The following RNF2 variants were observed in gnomAD, a reference collection of about 807,000 sequenced individuals.
The protein encoded by RNF2 is E3 ubiquitin-protein ligase RING2.
In RNF2, 6 loss-of-function variants were observed where a neutral mutation model predicts 37.2. The ratio of observed to expected loss-of-function variants is 0.16; its 90% confidence interval spans 0.09 to 0.32. The LOEUF (loss-of-function observed/expected upper bound fraction) is 0.32, where lower values mean the gene tolerates loss of function less well. Ranked by LOEUF, RNF2 falls within the 10% of genes least tolerant of loss-of-function variation. RNF2 has a pLI of 1.00. For missense variants in RNF2, 251 were observed against 404.0 expected, an observed-to-expected ratio of 0.62 and a Z score of 3.25; for synonymous variants, 133 against 132.7, an observed-to-expected ratio of 1.00 and a Z score of -0.02.
chr1:185,083,132 A>G (rs965219857), intron 1 of RNF2, among the ~76,000 whole-genome samples: 3 of 152,200 alleles, frequency 2.0e-5, no homozygotes, highest in African/African-American at 7.2e-5. Flanking sequence ...CTAATACGGA[A>G]CAAAGCCTCT....
intron 4 of RNF2, 141 bp downstream of exon 4, chr1:185,093,417 C>CA: frequency 1.5e-6 from 1 of 675,856 alleles, no homozygotes; most frequent in Non-Finnish European, 2.5e-6. Context: ...ATAATACATG[C>CA]CTCCAGGCAT....
chr1:185,047,810 G>A (rs941629008), intron 1 of RNF2, among the ~76,000 whole-genome samples: 5 of 152,126 alleles, frequency 3.3e-5, no homozygotes. Context: ...CTCTGCGCAC[G>A]TACACATCTA....
At chr1:185,082,816 C>T (rs1379776170) in intron 1 of RNF2, among the ~76,000 whole-genome samples, 2 of 152,124 alleles carry the variant, frequency 1.3e-5, no homozygotes, top group African/African-American at 4.8e-5. Flanking sequence ...ATAACATTTC[C>T]ATAGTCTAAA....
intron 1 of RNF2, among the ~76,000 whole-genome samples, chr1:185,076,987 A>G (rs77339682): frequency 3.3e-5 from 5 of 152,232 alleles, no homozygotes; most frequent in East Asian, 3.9e-4. Flanking sequence ...CCTCTTTAAT[A>G]TACTTCAGTT....
chr1:185,100,069 A>G, intron 6 of RNF2, 107 bp downstream of exon 6: 1 of 1,240,236 alleles, frequency 8.1e-7, no homozygotes, highest in Non-Finnish European at 1.1e-6. Context: ...AAACCGTAAC[A>G]GTGTTAAGTG....
In RNF2 at chr1:185,045,600, A is replaced by T. The variant is rs1650087091; in HGVS notation, c.-52A>T. The T allele has an allele frequency of 6.6e-6, 1 of 152,044 alleles. No individual in the cohort carries two copies. The highest frequency in any genetic ancestry group is 2.4e-5 in the African/African-American group (1 of 41,386). 9.4% of individuals were successfully genotyped at this position (152,044 alleles called of 1,614,324 possible). A position where few individuals can be genotyped will look rare whatever the true frequency, so the allele number is the denominator to read the frequency against. ...CGGCGTCCGCGGCAGCTGATACCAG[A>T]GTCTTGCTCCGGCCGCGGCCAGCGG... On this transcript the variant is annotated 5_prime_UTR_variant, in exon 1 of 7. Transcript: ENST00000367510.
chr1:185,066,562 G>A (rs1650805200), intron 1 of RNF2, among the ~76,000 whole-genome samples: 1 of 152,148 alleles, frequency 6.6e-6, no homozygotes, highest in Non-Finnish European at 1.5e-5. Context: ...CATGTTCAAG[G>A]ATTGTCTGCC....
intron 2 of RNF2, among the ~76,000 whole-genome samples, chr1:185,089,779 C>T (rs1651713021): frequency 6.6e-6 from 1 of 152,050 alleles, no homozygotes; most frequent in Admixed American, 6.5e-5. Flanking sequence ...CATGTAATCC[C>T]AGCACTTTGG....
chr1:185,064,615 A>C (rs2102164801), intron 1 of RNF2, among the ~76,000 whole-genome samples: 1 of 152,314 alleles, frequency 6.6e-6, no homozygotes, highest in East Asian at 1.9e-4. Context: ...GACTTAAGAT[A>C]TTTTCAATTT....
At chr1:185,062,164 GTTGTGT>G (rs993630503) in intron 1 of RNF2, among the ~76,000 whole-genome samples, 17 of 152,302 alleles carry the variant, frequency 1.1e-4, no homozygotes, top group African/African-American at 3.8e-4. Flanking sequence ...CTTTGTGACA[GTTGTGT>G]TGCTTTTTCA....
intron 1 of RNF2, among the ~76,000 whole-genome samples, chr1:185,076,677 A>C (rs1028162816): frequency 6.6e-6 from 1 of 151,584 alleles, no homozygotes; most frequent in Non-Finnish European, 1.5e-5. Context: ...AAAAGGGTTT[A>C]AATTTTTTTT....
intron 1 of RNF2, among the ~76,000 whole-genome samples, chr1:185,061,363 TAAAAGGGGAAAAA>T (rs879466497): frequency 2.7e-5 from 4 of 150,344 alleles, no homozygotes; most frequent in Non-Finnish European, 4.4e-5. Context: ...CCCTATCTCT[TAAAAGGGGAAAAA>T]AAAAGGGAAA....
At chr1:185,064,763 T>C (rs1650750683) in intron 1 of RNF2, among the ~76,000 whole-genome samples, 1 of 152,232 alleles carries the variant, frequency 6.6e-6, no homozygotes, top group Non-Finnish European at 1.5e-5. Context: ...TTCAGAATGT[T>C]TTGTAATTTT....
intron 1 of RNF2, among the ~76,000 whole-genome samples, chr1:185,060,688 A>G (rs1650572325): frequency 6.6e-6 from 1 of 152,224 alleles, no homozygotes; most frequent in African/African-American, 2.4e-5. Context: ...ATGAATCAGT[A>G]GACTGGAAAC....
chr1:185,085,383 G>A (rs1388348869), intron 1 of RNF2, among the ~76,000 whole-genome samples: 1 of 151,824 alleles, frequency 6.6e-6, no homozygotes, highest in African/African-American at 2.4e-5. Context: ...TGATCCGCCT[G>A]CCTCGGCCTC....
chr1:185,065,329 T>C (rs1650768679), intron 1 of RNF2, among the ~76,000 whole-genome samples: 1 of 152,250 alleles, frequency 6.6e-6, no homozygotes, highest in African/African-American at 2.4e-5. Flanking sequence ...CAGTAGGATG[T>C]GGGCAGGGCC....
intron 1 of RNF2, among the ~76,000 whole-genome samples, chr1:185,067,803 C>T (rs892307002): frequency 6.0e-5 from 9 of 150,770 alleles, no homozygotes; most frequent in Admixed American, 5.3e-4. Flanking sequence ...CTCTGCCTCC[C>T]GGGTTCAAAC....
intron 1 of RNF2, among the ~76,000 whole-genome samples, chr1:185,073,160 T>A (rs181420223): frequency 3.1e-4 from 47 of 152,206 alleles, no homozygotes; most frequent in African/African-American, 1.1e-3. Flanking sequence ...CATTTCCTAA[T>A]TAGCCATTTT....
intron 1 of RNF2, among the ~76,000 whole-genome samples, chr1:185,059,107 C>G (rs1650524761): frequency 6.6e-6 from 1 of 151,750 alleles, no homozygotes; most frequent in African/African-American, 2.4e-5. Context: ...TTTTTTGTTG[C>G]AAGTTGCAGA....
Sources: allele counts gnomAD v4.1 joint callset (sites outside exome capture counted in the v4.1 genomes callset), GRCh38; gene constraint gnomAD v4.1.1; transcripts MANE v1.5; gene names NCBI Gene and HGNC (gene_info 2026-07-23, HGNC 2026-07-21).